PRKN: variants seen among roughly 807,000 people sequenced by gnomAD.
PRKN encodes E3 ubiquitin-protein ligase parkin.
Under a neutral mutation model 59.5 loss-of-function variants are expected in PRKN, and 56 were observed. The observed-to-expected ratio is 0.94, with a 90% CI of 0.76 to 1.18. The LOEUF (loss-of-function observed/expected upper bound fraction) is 1.18. Among genes scored for constraint, PRKN ranks in the 50% most tolerant of loss-of-function variants. PRKN has a pLI of 0.00. For missense variants in PRKN, 657 were observed against 596.4 expected (o/e 1.10, Z -1.06); for synonymous variants, 250 against 222.1 (o/e 1.13, Z -1.12).
intron 2 of PRKN, among the ~76,000 whole-genome samples, chr6:162,398,789 T>G (rs78720353): frequency 3.2e-3 from 485 of 152,358 alleles, no homozygotes; most frequent in African/African-American, 0.011. Flanking sequence ...GTATATTACA[T>G]GATGTGGCAA....
intron 4 of PRKN, among the ~76,000 whole-genome samples, chr6:162,077,763 G>A (rs1214014035): frequency 6.6e-6 from 1 of 151,940 alleles, no homozygotes; most frequent in African/African-American, 2.4e-5. Context: ...ACTTTGAGAG[G>A]CCGAGGCGGG....
At chr6:161,889,198 G>C (rs748017479) in intron 6 of PRKN, among the ~76,000 whole-genome samples, 1 of 152,050 alleles carries the variant, frequency 6.6e-6, no homozygotes, top group Non-Finnish European at 1.5e-5. Flanking sequence ...AGAGATGTGG[G>C]GTATCTGAGG....
intron 2 of PRKN, among the ~76,000 whole-genome samples, chr6:162,396,179 T>C (rs1176534161): frequency 1.3e-5 from 2 of 152,202 alleles, no homozygotes; most frequent in East Asian, 1.9e-4. Flanking sequence ...GCCATTTTGT[T>C]TGTATATGTA....
intron 2 of PRKN, among the ~76,000 whole-genome samples, chr6:162,313,691 T>G (rs1782629514): frequency 1.3e-5 from 2 of 152,010 alleles, no homozygotes; most frequent in Admixed American, 6.6e-5. Flanking sequence ...TTCATCATGT[T>G]GGCTAGACTG....
intron 1 of PRKN, among the ~76,000 whole-genome samples, chr6:162,697,262 C>T (rs955010517): frequency 2.6e-5 from 4 of 151,642 alleles, no homozygotes; most frequent in South Asian, 2.1e-4. Flanking sequence ...TTAAGTTTTC[C>T]GTAATAAAAA....
chr6:162,283,227 G>C (rs1288062182), intron 2 of PRKN, among the ~76,000 whole-genome samples: 1 of 151,872 alleles, frequency 6.6e-6, no homozygotes, highest in Non-Finnish European at 1.5e-5. Flanking sequence ...CCTCTCTTTT[G>C]AGAAAAGAAA....
intron 2 of PRKN, among the ~76,000 whole-genome samples, chr6:162,317,597 A>G (rs1782805276): frequency 6.6e-6 from 1 of 152,052 alleles, no homozygotes; most frequent in Non-Finnish European, 1.5e-5. Flanking sequence ...TGTATCAGAA[A>G]CTCACACACT....
intron 6 of PRKN, among the ~76,000 whole-genome samples, chr6:161,924,783 C>T (rs913898521): frequency 9.9e-5 from 15 of 152,216 alleles, no homozygotes; most frequent in African/African-American, 3.6e-4. Context: ...CAGTTTCTCA[C>T]CATCTCCACA....
At chr6:161,822,673 CA>C (rs527779952) in intron 6 of PRKN, among the ~76,000 whole-genome samples, 6 of 145,972 alleles carry the variant, frequency 4.1e-5, no homozygotes, top group East Asian at 2.0e-4. Flanking sequence ...GAAACGCTGT[CA>C]AAAAAAAAAG....
chr6:161,959,164 G>C (rs1445246385), intron 6 of PRKN, among the ~76,000 whole-genome samples: 1 of 152,084 alleles, frequency 6.6e-6, no homozygotes, highest in Non-Finnish European at 1.5e-5. Flanking sequence ...TGTTGCCCAA[G>C]GGCTGTAGAA....
chr6:162,463,031 T>C (rs1791243437), intron 1 of PRKN, among the ~76,000 whole-genome samples: 1 of 151,838 alleles, frequency 6.6e-6, no homozygotes, highest in South Asian at 2.1e-4. Flanking sequence ...ATCGCACCAT[T>C]GCACTCCCAC....
At chr6:161,858,858 C>CTTTTTTTTTTTTTTTTTTTTTTTTTTT in intron 6 of PRKN, among the ~76,000 whole-genome samples, 1 of 71,936 alleles carries the variant, frequency 1.4e-5, no homozygotes, top group Non-Finnish European at 2.7e-5. Flanking sequence ...CACAGCTGTA[C>CTTTTTTTTTTTTTTTTTTTTTTTTTTT]TTTTTTTTTT....
In PRKN at chr6:162,387,561, G is replaced by GAGAGAC. The variant is rs1562723153; in HGVS notation, c.171+55748_171+55749insGTCTCT. Among the ~76,000 whole-genome samples, 3 of 56,042 alleles carry GAGAGAC rather than the reference G, an allele frequency of 5.4e-5. No individual in the cohort carries two copies. The East Asian group carries it at 1.1e-3, about 20-fold the overall frequency. 36.8% of individuals were successfully genotyped at this position (56,042 alleles called of 152,430 possible). A position where few individuals can be genotyped will look rare whatever the true frequency, so the allele number is the denominator to read the frequency against. On this transcript the variant is annotated intron_variant, in intron 2 of 11. Transcript: ENST00000366898. The stretch of plus-strand genomic sequence containing the variant: ...ACACACACACACACACACACAGAGA[G>GAGAGAC]AGAGAGAGAGAGAGAGAGAGAGAGA...
chr6:161,540,167 T>A (rs1220168798), intron 9 of PRKN, among the ~76,000 whole-genome samples: 2 of 152,162 alleles, frequency 1.3e-5, no homozygotes, highest in African/African-American at 4.8e-5. Flanking sequence ...TCTTCTGACA[T>A]GGAAAACAAA....
At chr6:162,226,392 C>G (rs1050790171) in intron 3 of PRKN, among the ~76,000 whole-genome samples, 1 of 152,084 alleles carries the variant, frequency 6.6e-6, no homozygotes, top group South Asian at 2.1e-4. Flanking sequence ...TCCACAATGG[C>G]ACTGTAATGG....
intron 1 of PRKN, among the ~76,000 whole-genome samples, chr6:162,465,018 T>C (rs1320957531): frequency 6.6e-6 from 1 of 152,060 alleles, no homozygotes; most frequent in African/African-American, 2.4e-5. Flanking sequence ...CTATGTAACA[T>C]ATCCCTATTC....
At chr6:162,453,450 G>A (rs1479665173) in intron 1 of PRKN, among the ~76,000 whole-genome samples, 2 of 152,120 alleles carry the variant, frequency 1.3e-5, no homozygotes, top group East Asian at 1.9e-4. Flanking sequence ...AAAGGCAACT[G>A]AAAATCTATA....
chr6:161,482,488 A>G (rs1341620366), intron 9 of PRKN, among the ~76,000 whole-genome samples: 3 of 152,270 alleles, frequency 2.0e-5, no homozygotes, highest in Non-Finnish European at 2.9e-5. Flanking sequence ...TAAGTTCTTT[A>G]AGGGAGAAAG....
chr6:162,653,730 G>A (rs1778534835), intron 1 of PRKN, among the ~76,000 whole-genome samples: 1 of 152,110 alleles, frequency 6.6e-6, no homozygotes, highest in Non-Finnish European at 1.5e-5. Flanking sequence ...GAGAATAGCA[G>A]AGGAAATGTT....
Sources: gnomAD v4.1 joint callset for allele counts (sites outside exome capture counted in the v4.1 genomes callset) on GRCh38, gnomAD v4.1.1 for gene constraint, MANE v1.5 for transcripts, NCBI Gene and HGNC (gene_info 2026-07-23, HGNC 2026-07-21) for gene names.